CHD8: variants seen among roughly 807,000 people sequenced by gnomAD.
CHD8 encodes the protein chromodomain helicase DNA binding protein 8.
Under a neutral mutation model 279.2 loss-of-function variants are expected in CHD8, and 31 were observed. The observed-to-expected ratio is 0.11, with a 90% CI of 0.08 to 0.15. The LOEUF is 0.15. CHD8 is among the 10% of genes least tolerant of loss of function. CHD8 has a pLI of 1.00. For missense variants in CHD8, 2,146 were observed against 3,230.5 expected (o/e 0.66, Z 8.14); for synonymous variants, 1,081 against 1,139.6 (o/e 0.95, Z 1.04).
rs17792647 is a variant in CHD8, at chr14:21,400,639, T to C, written c.4371-27A>G. Reference sequence around the variant, plus strand: ...TAAAAAACAGAAAACTATATTAACATTTTTCTGAGAAATGACAGTCCCCTG... The same window carrying C: ...TAAAAAACAGAAAACTATATTAACACTTTTCTGAGAAATGACAGTCCCCTG... On this transcript the variant is annotated intron_variant, in intron 22 of 37. Coordinates refer to ENST00000646647, the MANE Select transcript of CHD8 (RefSeq NM_001170629.2). This position sits in a 1 kb window ranked among gnomAD's most constrained non-coding sequence, Gnocchi z 4.2. 6.5e-7 allele frequency: 1 copy of C among 1,534,276 alleles called. No homozygotes were observed. The highest frequency in any genetic ancestry group is 2.3e-5 in the East Asian group (1 of 44,252).
At chr14:21,453,997 T>TA (rs900330511) in intron 1 of CHD8, among the ~76,000 whole-genome samples, 23 of 141,984 alleles carry the variant, frequency 1.6e-4, no homozygotes, top group South Asian at 6.5e-4. Flanking sequence ...CTACTAAAAA[T>TA]AAAAAAAAAA....
At chr14:21,445,612 C>A (rs1178053723) in intron 1 of CHD8, among the ~76,000 whole-genome samples, 4 of 148,216 alleles carry the variant, frequency 2.7e-5, no homozygotes, top group Admixed American at 6.8e-5. Context: ...TTGCTTGAAT[C>A]CAGTAGGCAG....
In CHD8 at chr14:21,408,198, T is replaced by C; in HGVS notation, c.2730+114A>G. ...GCCTTAAACCATAGGCATTTTTGCA[T>C]AGGCATATTGAAGACTTTCAATAAA... On this transcript the variant is annotated intron_variant, in intron 13 of 37. Transcript: ENST00000646647. This position sits in a 1 kb window ranked among gnomAD's most constrained non-coding sequence, Gnocchi z 4.3. 2.3e-6 allele frequency: 3 copies of C among 1,283,970 alleles called. No individual in the cohort carries two copies. The highest frequency in any genetic ancestry group is 2.1e-6 in the Non-Finnish European group (2 of 936,514). 79.5% of individuals were successfully genotyped at this position (1,283,970 alleles called of 1,614,324 possible).
At chr14:21,422,324 T>A (rs1049437298) in intron 5 of CHD8, among the ~76,000 whole-genome samples, 5 of 151,934 alleles carry the variant, frequency 3.3e-5, no homozygotes, top group African/African-American at 1.2e-4. Flanking sequence ...CTGGAGACCC[T>A]GTCTCAAAAA....
chr14:21,398,920 T>A (rs564301947), intron 26 of CHD8: 2 of 332,598 alleles, frequency 6.0e-6, no homozygotes, highest in Non-Finnish European at 1.2e-5. Context: ...CAAGCTGACA[T>A]AGAGATGCAG....
intron 27 of CHD8, 86 bp from the exon 28 acceptor site, chr14:21,395,978 A>T: frequency 1.2e-6 from 1 of 822,994 alleles, no homozygotes; most frequent in Non-Finnish European, 2.1e-6. Flanking sequence ...AGCCACACAT[A>T]TATCCAGCAT....
chr14:21,391,723 C>A, intron 35 of CHD8, 81 bp from the exon 36 acceptor site: 1 of 1,519,434 alleles, frequency 6.6e-7, no homozygotes, highest in Non-Finnish European at 9.0e-7. Context: ...CAATGGTAGT[C>A]ATGAAATGAC....
chr14:21,429,061 A>G lies in CHD8; in HGVS notation c.1118T>C (p.Val373Ala). 6.2e-7 allele frequency: 1 copy of G among 1,613,982 alleles called. No homozygotes were observed. The highest frequency in any genetic ancestry group is 8.5e-7 in the Non-Finnish European group (1 of 1,179,886). The stretch of plus-strand genomic sequence containing the variant: ...AGCCTGCTGTACAGAGGACAGAGTC[A>G]CTGGCTGGGTGGAGGGTGGCTGCTG... ...QPQQPPSTQP[V>A]TLSSVQQAQI... Residue 373 changes from valine to alanine, a missense_variant, in exon 3 of 38, where the codon GTG becomes GCG. By Grantham distance (64) the Val-to-Ala change is moderately conservative (BLOSUM62 0). Transcript: ENST00000646647.
At position 21,437,972 on chromosome 14, in the gene CHD8, T is replaced by G. The variant is rs143880746; in HGVS notation, c.-215-6114A>C. ...TTTGACCTTTTAATCAGTGTCCACT[T>G]TGCGATGTCACTTGAAATCACTCTA... On this transcript the variant is annotated intron_variant, in intron 1 of 37. Transcript: ENST00000646647. Among the ~76,000 whole-genome samples the G allele has an allele frequency of 1.9e-3, 287 of 152,246 alleles. 2 individuals are homozygous for G. The highest frequency in any genetic ancestry group is 6.7e-3 in the African/African-American group (279 of 41,534).
At position 21,439,595 on chromosome 14, in the gene CHD8, T is replaced by C. The variant is rs554830127; in HGVS notation, c.-215-7737A>G. Among the ~76,000 whole-genome samples, 5 of 152,338 alleles carry C rather than the reference T, an allele frequency of 3.3e-5. 1 individual carries two copies. The highest frequency in any genetic ancestry group is 1.2e-4 in the African/African-American group (5 of 41,576). On this transcript the variant is annotated intron_variant, in intron 1 of 37. Coordinates refer to ENST00000646647, the MANE Select transcript of CHD8 (RefSeq NM_001170629.2). The stretch of plus-strand genomic sequence containing the variant: ...TCTGCTGCCATCTCCCTTACTTATG[T>C]AGTTGCTTATGTAAGAGAAAAGCCT...
Position 21,430,964 on chromosome 14 carries a change from T to C in CHD8, c.680A>G (p.Lys227Arg), listed in dbSNP as rs765072330. ...AACAGCAGCCTGGTTCCCAGGGACC[T>C]TGGCGGCCAACACTGTATTACCAGA... The part of the protein sequence containing the change: ...IVSGNTVLAA[K>R]VPGNQAAVQR... Residue 227 changes from lysine (K) to arginine (R), a missense_variant, in exon 2 of 38, where the codon AAG becomes AGG. Physicochemically the swap from Lys to Arg is conservative, Grantham distance 26 (BLOSUM62 2). Coordinates refer to ENST00000646647, the MANE Select transcript of CHD8 (RefSeq NM_001170629.2). 52 of 1,599,472 alleles carry C rather than the reference T, an allele frequency of 3.3e-5. No individual in the cohort carries two copies. Among genetic ancestry groups the C allele is most frequent in the Middle Eastern group, 3.3e-4 (2 of 6,082 alleles).
chr14:21,392,931 G>A (rs924834064), intron 33 of CHD8, 122 bp from the exon 34 acceptor site: 1 of 1,165,564 alleles, frequency 8.6e-7, no homozygotes, highest in Non-Finnish European at 1.2e-6. Flanking sequence ...AAAAGAGGAA[G>A]TTAATACTAT....
At chr14:21,426,394 T>A (rs562166874) in intron 4 of CHD8, 152 bp from the exon 5 acceptor site, 1 of 582,510 alleles carries the variant, frequency 1.7e-6, no homozygotes, top group Admixed American at 3.2e-5. Context: ...AAATATGGTG[T>A]TTGAAAAAAA....
chr14:21,427,620 T>C (rs904908189), intron 4 of CHD8: 79 of 1,454,988 alleles, frequency 5.4e-5, no homozygotes, highest in Middle Eastern at 2.6e-4. Context: ...CTCTTGCCCT[T>C]TGTTTTGGAG....
At chr14:21,399,005 A>G in intron 26 of CHD8, 1 of 411,002 alleles carries the variant, frequency 2.4e-6, no homozygotes, top group Non-Finnish European at 4.8e-6. Flanking sequence ...AAAATGTCAA[A>G]GCCAAGATCC....
In CHD8 at chr14:21,400,989, A is replaced by G; in HGVS notation, c.4256T>C (p.Phe1419Ser). Reference sequence around the variant, plus strand: ...ATCATCCTCACTTTCCAAATCAGAGAATTCCACCAGGTCATCATCTTTCAG... The same window carrying G: ...ATCATCCTCACTTTCCAAATCAGAGGATTCCACCAGGTCATCATCTTTCAG... ...STLKDDDLVE[F>S]SDLESEDDER... Residue 1419 changes from phenylalanine to serine, a missense_variant, in exon 22 of 38, where the codon TTC becomes TCC. Coordinates refer to ENST00000646647, the MANE Select transcript of CHD8 (RefSeq NM_001170629.2). The surrounding 1 kb of genome is among the most constrained non-coding windows in gnomAD (Gnocchi z 4.2). 2 of 1,614,014 alleles carry G rather than the reference A, an allele frequency of 1.2e-6. No homozygotes were observed. Among genetic ancestry groups the G allele is most frequent in the Non-Finnish European group, 1.7e-6 (2 of 1,179,886 alleles).
intron 1 of CHD8, chr14:21,437,224 CT>C: frequency 1.7e-6 from 2 of 1,185,248 alleles, no homozygotes; most frequent in Non-Finnish European, 2.1e-6. Context: ...CGGTTCGCCC[CT>C]CTCCCTGTCT....
intron 1 of CHD8, among the ~76,000 whole-genome samples, chr14:21,454,122 C>A (rs1017515959): frequency 6.7e-5 from 10 of 148,780 alleles, no homozygotes; most frequent in Non-Finnish European, 1.2e-4. Flanking sequence ...CCTGCCACTG[C>A]ACTCCAGCCT....
chr14:21,441,257 C>T (rs1025793279), intron 1 of CHD8, among the ~76,000 whole-genome samples: 1 of 152,148 alleles, frequency 6.6e-6, no homozygotes, highest in Non-Finnish European at 1.5e-5. Context: ...GTCTTCCCTC[C>T]TTTGATTTCA....
Sources: gnomAD v4.1 joint callset for allele counts (sites outside exome capture counted in the v4.1 genomes callset) on GRCh38, gnomAD v4.1.1 for gene constraint, Gnocchi (gnomAD v3.1) non-coding constraint, MANE v1.5 for transcripts, NCBI Gene and HGNC (gene_info 2026-07-23, HGNC 2026-07-21) for gene names.